The following ATRNL1 variants were observed in gnomAD, a reference collection of about 807,000 sequenced individuals.
The protein encoded by ATRNL1 is attractin like 1.
Under a neutral mutation model 182.7 loss-of-function variants are expected in ATRNL1, and 95 were observed. The observed-to-expected ratio is 0.52, with a 90% CI of 0.44 to 0.62. The LOEUF (loss-of-function observed/expected upper bound fraction) is 0.62, where lower values mean the gene tolerates loss of function less well. Among genes scored for constraint, ATRNL1 ranks in the 20% least tolerant of loss-of-function variants. The probability of loss-of-function intolerance (pLI) is 0.00; values close to 1 mark genes in which losing one functional copy is unlikely to be tolerated. For synonymous variants in ATRNL1, 576 were observed against 568.3 expected (o/e 1.01, Z -0.19); for missense variants, 1,471 against 1,679.5 (o/e 0.88, Z 2.17).
At chr10:115,142,822 T>C (rs1244275770) in intron 5 of ATRNL1, among the ~76,000 whole-genome samples, 1 of 152,104 alleles carries the variant, frequency 6.6e-6, no homozygotes, top group African/African-American at 2.4e-5. Context: ...TAATAGGATT[T>C]GCTGATGGTC....
chr10:115,376,352 T>C (rs1857670752), intron 19 of ATRNL1, among the ~76,000 whole-genome samples: 1 of 152,096 alleles, frequency 6.6e-6, no homozygotes, highest in South Asian at 2.1e-4. Context: ...TGCAGTGGTG[T>C]GATCATAGCT....
intron 26 of ATRNL1, among the ~76,000 whole-genome samples, chr10:115,551,105 A>C (rs1160949400): frequency 2.6e-5 from 4 of 151,722 alleles, no homozygotes; most frequent in Non-Finnish European, 4.4e-5. Context: ...GCTAATTCTC[A>C]GTTGTGGTCT....
chr10:115,592,851 C>T (rs1378894811), intron 26 of ATRNL1, among the ~76,000 whole-genome samples: 3 of 152,152 alleles, frequency 2.0e-5, no homozygotes, highest in African/African-American at 7.2e-5. Flanking sequence ...CTACATGTGC[C>T]TACTTACAAT....
intron 28 of ATRNL1, among the ~76,000 whole-genome samples, chr10:115,873,469 G>A (rs142507668): frequency 3.4e-4 from 51 of 152,192 alleles, no homozygotes; most frequent in African/African-American, 9.6e-4. Context: ...CCTAGTCAAC[G>A]CACAAAATAC....
At chr10:115,712,788 A>G (rs1356853819) in intron 26 of ATRNL1, among the ~76,000 whole-genome samples, 1 of 151,916 alleles carries the variant, frequency 6.6e-6, no homozygotes, top group Non-Finnish European at 1.5e-5. Context: ...TGATCGCTTG[A>G]ACCCAGGAGA....
chr10:115,499,123 A>T (rs1239913958), intron 24 of ATRNL1, among the ~76,000 whole-genome samples: 1 of 152,158 alleles, frequency 6.6e-6, no homozygotes, highest in African/African-American at 2.4e-5. Flanking sequence ...CTATAATTAA[A>T]TACAGGTATC....
chr10:115,533,706 T>C (rs1360640556), intron 25 of ATRNL1, among the ~76,000 whole-genome samples: 1 of 150,078 alleles, frequency 6.7e-6, no homozygotes, highest in African/African-American at 2.4e-5. Context: ...AGGGTGTCAA[T>C]TTTGGATCTT....
intron 27 of ATRNL1, among the ~76,000 whole-genome samples, chr10:115,841,579 G>A (rs1229466930): frequency 2.0e-5 from 3 of 152,056 alleles, no homozygotes; most frequent in Non-Finnish European, 4.4e-5. Context: ...ATTCCCACGT[G>A]TAATACTTTA....
Position 115,140,857 on chromosome 10 carries a change from T to C in ATRNL1, c.829+11322T>C, listed in dbSNP as rs578210914. 5.9e-5 allele frequency among the ~76,000 whole-genome samples: 9 copies of C among 152,296 alleles called. No individual in the cohort carries two copies. The South Asian group carries it at 1.9e-3, about 32-fold the overall frequency. On this transcript the variant is annotated intron_variant, in intron 5 of 28. Transcript: ENST00000355044. ...TAGTGCCTCTGATCTTTATTTAAAG[T>C]CACACTTTATTGTAACTTACTCCAG...
chr10:115,721,193 T>C (rs1947412405), intron 26 of ATRNL1, among the ~76,000 whole-genome samples: 1 of 152,206 alleles, frequency 6.6e-6, no homozygotes, highest in South Asian at 2.1e-4. Flanking sequence ...CTTGGTCATA[T>C]GAATTATATA....
chr10:115,727,811 A>G (rs1334244419), intron 27 of ATRNL1, among the ~76,000 whole-genome samples: 4 of 152,170 alleles, frequency 2.6e-5, no homozygotes, highest in East Asian at 1.9e-4. Context: ...AATGTTTCTC[A>G]CATATAAAAT....
chr10:115,681,613 C>T (rs74158253), intron 26 of ATRNL1, among the ~76,000 whole-genome samples: 1,770 of 152,096 alleles, frequency 0.012, 34 homozygotes, highest in African/African-American at 0.04. Context: ...TGAACCATCT[C>T]AAGAGTGTAT....
At chr10:115,369,687 C>A (rs1766890) in intron 19 of ATRNL1, among the ~76,000 whole-genome samples, 151,919 of 152,234 alleles carry the variant, frequency 1, 75,803 homozygotes, top group Middle Eastern at 1. Flanking sequence ...TTACATTCCC[C>A]CCAACAATGT....
At chr10:115,532,572 CAG>C (rs1851664184) in intron 25 of ATRNL1, among the ~76,000 whole-genome samples, 1 of 151,646 alleles carries the variant, frequency 6.6e-6, no homozygotes, top group Non-Finnish European at 1.5e-5. Context: ...CGTCTGCAAA[CAG>C]GGACAATTTG....
In ATRNL1 at chr10:115,506,559, T is replaced by A. The variant is rs1002309748; in HGVS notation, c.3655-12704T>A. Among the ~76,000 whole-genome samples the A allele has an allele frequency of 3.9e-5, 6 of 152,204 alleles. No individual in the cohort carries two copies. In the South Asian group the frequency reaches 1.0e-3, roughly 26 times the overall value. On this transcript the variant is annotated intron_variant, in intron 24 of 28. Transcript: ENST00000355044. ...AACAAAAACCTGAACTCATCTTCCC[T>A]GCTGCAAATGAGCTCAAACTCCATA...
At chr10:115,637,619 T>TATG in intron 26 of ATRNL1, among the ~76,000 whole-genome samples, 1 of 147,522 alleles carries the variant, frequency 6.8e-6, no homozygotes, top group Non-Finnish European at 1.5e-5. Context: ...TTATTATTAT[T>TATG]ATTATTATTA....
intron 26 of ATRNL1, among the ~76,000 whole-genome samples, chr10:115,587,440 G>T (rs1398631071): frequency 6.6e-6 from 1 of 151,990 alleles, no homozygotes; most frequent in African/African-American, 2.4e-5. Context: ...CTCCCAGCCA[G>T]GTGCGGAATA....
intron 21 of ATRNL1, among the ~76,000 whole-genome samples, chr10:115,443,760 G>T (rs1173499064): frequency 6.6e-6 from 1 of 151,928 alleles, no homozygotes; most frequent in Non-Finnish European, 1.5e-5. Context: ...TATTTTATCA[G>T]CCCCATCTCC....
intron 19 of ATRNL1, among the ~76,000 whole-genome samples, chr10:115,362,122 C>A (rs937407481): frequency 4.0e-5 from 6 of 151,866 alleles, no homozygotes; most frequent in Non-Finnish European, 8.8e-5. Context: ...CTCATAACAG[C>A]AGGTTAATAT....
Sources: allele counts gnomAD v4.1 joint callset (sites outside exome capture counted in the v4.1 genomes callset), GRCh38; gene constraint gnomAD v4.1.1; transcripts MANE v1.5; gene names NCBI Gene and HGNC (gene_info 2026-07-23, HGNC 2026-07-21).